CNTNAP2: variants seen among roughly 807,000 people sequenced by gnomAD.
The protein encoded by CNTNAP2 is contactin associated protein 2.
A neutral mutation model predicts 155.2 loss-of-function variants in CNTNAP2; 98 were observed. The observed-to-expected ratio is 0.63, with a 90% CI of 0.54 to 0.75. The LOEUF (loss-of-function observed/expected upper bound fraction) is 0.75. CNTNAP2 is among the 30% of genes least tolerant of loss of function. The pLI, the probability that CNTNAP2 is intolerant of heterozygous loss-of-function variation, is 0.00. For missense variants in CNTNAP2, 1,727 were observed against 1,688.1 expected, an observed-to-expected ratio of 1.02 and a Z score of -0.40; for synonymous variants, 651 against 631.2, an observed-to-expected ratio of 1.03 and a Z score of -0.47.
chr7:147,915,969 A>G (rs1295236226), intron 14 of CNTNAP2, among the ~76,000 whole-genome samples: 1 of 152,174 alleles, frequency 6.6e-6, no homozygotes, highest in Non-Finnish European at 1.5e-5. Flanking sequence ...TAGAGCGTCT[A>G]ACAGCTCAAC....
chr7:148,319,720 A>G lies in CNTNAP2; in HGVS notation c.3475+52594A>G, dbSNP rs574087046. ...GGATCTAGGTTGCACACTCCTTATGAGAATCTAATGCTTGATGATCTGTCA... is the reference window on the plus strand; with the variant it reads ...GGATCTAGGTTGCACACTCCTTATGGGAATCTAATGCTTGATGATCTGTCA... On this transcript the variant is annotated intron_variant, in intron 21 of 23. Coordinates refer to ENST00000361727, the MANE Select transcript of CNTNAP2 (RefSeq NM_014141.6). Among the ~76,000 whole-genome samples the G allele has an allele frequency of 6.1e-4, 92 of 151,626 alleles. 1 individual carries two copies. The highest frequency in any genetic ancestry group is 3.1e-3 in the South Asian group (15 of 4,774).
chr7:146,841,918 T>C (rs1184077557), intron 3 of CNTNAP2, among the ~76,000 whole-genome samples: 1 of 151,940 alleles, frequency 6.6e-6, no homozygotes, highest in Non-Finnish European at 1.5e-5. Context: ...ATTTTGCTCT[T>C]GTTGCCCAGG....
intron 11 of CNTNAP2, among the ~76,000 whole-genome samples, chr7:147,504,086 C>G (rs1175475334): frequency 6.6e-6 from 1 of 152,196 alleles, no homozygotes; most frequent in African/African-American, 2.4e-5. Context: ...CATACTCCCT[C>G]CCTTCTGCCA....
At chr7:148,111,898 G>C (rs1180932624) in intron 15 of CNTNAP2, among the ~76,000 whole-genome samples, 1 of 152,176 alleles carries the variant, frequency 6.6e-6, no homozygotes, top group Non-Finnish European at 1.5e-5. Flanking sequence ...TGTGTTTCAG[G>C]AAAATGAGAG....
intron 8 of CNTNAP2, among the ~76,000 whole-genome samples, chr7:147,230,779 C>A (rs973391994): frequency 1.4e-4 from 22 of 152,122 alleles, no homozygotes; most frequent in Admixed American, 2.0e-4. Context: ...CCACTATTCT[C>A]CTCTTTGTTT....
At chr7:147,622,357 T>A (rs566797087) in intron 12 of CNTNAP2, among the ~76,000 whole-genome samples, 1 of 152,170 alleles carries the variant, frequency 6.6e-6, no homozygotes, top group Non-Finnish European at 1.5e-5. Flanking sequence ...AGTATATGGA[T>A]GATTCTCAAG....
chr7:147,262,901 C>G (rs1381432757), intron 8 of CNTNAP2, among the ~76,000 whole-genome samples: 1 of 152,198 alleles, frequency 6.6e-6, no homozygotes. Flanking sequence ...GGACTTCCAG[C>G]CTCCAGAGTT....
intron 15 of CNTNAP2, among the ~76,000 whole-genome samples, chr7:148,010,939 T>G (rs1374249524): frequency 1.3e-5 from 2 of 152,164 alleles, no homozygotes; most frequent in African/African-American, 4.8e-5. Flanking sequence ...TAGTCTACAG[T>G]GTTGATTTTT....
chr7:147,460,704 T>C (rs1274610988), intron 10 of CNTNAP2, among the ~76,000 whole-genome samples: 1 of 152,208 alleles, frequency 6.6e-6, no homozygotes, highest in Non-Finnish European at 1.5e-5. Context: ...TATTTCCCTA[T>C]GTGAGTTTCA....
In CNTNAP2 at chr7:146,525,191, C is replaced by T. The variant is rs801960; in HGVS notation, c.98-249080C>T. 3.9e-5 allele frequency among the ~76,000 whole-genome samples: 6 copies of T among 152,046 alleles called. No homozygotes were observed. The South Asian group carries it at 6.2e-4, about 16-fold the overall frequency. On this transcript the variant is annotated intron_variant, in intron 1 of 23. Transcript: ENST00000361727. ...GAATTGTTTGGGCCCTGGTAATCCT[C>T]GGCTATTTGTGTGTATAGATTAAAG...
intron 22 of CNTNAP2, among the ~76,000 whole-genome samples, chr7:148,391,663 C>T (rs1457005765): frequency 6.6e-6 from 1 of 152,212 alleles, no homozygotes; most frequent in Non-Finnish European, 1.5e-5. Flanking sequence ...CGTGATTTAC[C>T]TCTCAGAATT....
intron 8 of CNTNAP2, among the ~76,000 whole-genome samples, chr7:147,266,895 T>C (rs1451434592): frequency 1.3e-5 from 2 of 152,224 alleles, no homozygotes; most frequent in Non-Finnish European, 2.9e-5. Context: ...CTTATTTCAT[T>C]TTCTCTATAA....
In CNTNAP2 at chr7:148,080,926, A is replaced by G. The variant is rs561151668; in HGVS notation, c.2384-37192A>G. 3.3e-5 allele frequency among the ~76,000 whole-genome samples: 5 copies of G among 152,298 alleles called. No individual in the cohort carries two copies. In the South Asian group the frequency reaches 1.0e-3, roughly 32 times the overall value. Reference sequence around the variant, plus strand: ...ATTGTATTCTTTCACAAAAATATGTATGTGGATGGATTCTTAGGTGTTAGA... The same window carrying G: ...ATTGTATTCTTTCACAAAAATATGTGTGTGGATGGATTCTTAGGTGTTAGA... On this transcript the variant is annotated intron_variant, in intron 15 of 23. Transcript: ENST00000361727.
intron 20 of CNTNAP2, among the ~76,000 whole-genome samples, chr7:148,243,635 T>C (rs1796199608): frequency 5.3e-5 from 8 of 152,036 alleles, no homozygotes; most frequent in Admixed American, 4.6e-4. Context: ...ACTTATTCAC[T>C]ATCACAAGAA....
At chr7:146,791,051 C>T (rs1003668062) in intron 2 of CNTNAP2, among the ~76,000 whole-genome samples, 1 of 151,932 alleles carries the variant, frequency 6.6e-6, no homozygotes, top group Admixed American at 6.6e-5. Context: ...GATGTTTCTC[C>T]TAATGCTATC....
chr7:146,234,259 A>G (rs898656605), intron 1 of CNTNAP2, among the ~76,000 whole-genome samples: 4 of 152,194 alleles, frequency 2.6e-5, no homozygotes, highest in Admixed American at 1.3e-4. Context: ...CTGCATAAAT[A>G]TCTTCTTTTG....
chr7:147,730,206 C>T (rs752585391), intron 13 of CNTNAP2, among the ~76,000 whole-genome samples: 3 of 152,054 alleles, frequency 2.0e-5, no homozygotes, highest in African/African-American at 7.2e-5. Flanking sequence ...AGATCTTGAA[C>T]AATTACGGTC....
intron 1 of CNTNAP2, among the ~76,000 whole-genome samples, chr7:146,359,416 C>T (rs1173494925): frequency 1.3e-5 from 2 of 152,178 alleles, no homozygotes; most frequent in East Asian, 1.9e-4. Context: ...TATCTAACTC[C>T]ACTATGCTGT....
At chr7:146,197,340 A>G (rs966291230) in intron 1 of CNTNAP2, among the ~76,000 whole-genome samples, 2 of 152,230 alleles carry the variant, frequency 1.3e-5, no homozygotes, top group Non-Finnish European at 2.9e-5. Context: ...AAGTCTTCTC[A>G]TCAAATAAAT....
Sources: allele counts gnomAD v4.1 joint callset (sites outside exome capture counted in the v4.1 genomes callset), GRCh38; gene constraint gnomAD v4.1.1; transcripts MANE v1.5; gene names NCBI Gene and HGNC (gene_info 2026-07-23, HGNC 2026-07-21).